The following UNC5B variants were observed in gnomAD, a reference collection of about 807,000 sequenced individuals.
UNC5B encodes unc-5 netrin receptor B.
In UNC5B, 56 loss-of-function variants were observed where a neutral mutation model predicts 103.7. That is an observed-to-expected ratio of 0.54 (90% confidence interval 0.44 to 0.67). The LOEUF (loss-of-function observed/expected upper bound fraction) is 0.67, where lower values mean the gene tolerates loss of function less well. Among genes scored for constraint, UNC5B ranks in the 30% least tolerant of loss-of-function variants. UNC5B has a pLI of 0.00. For missense variants in UNC5B, 1,194 were observed against 1,284.5 expected, an observed-to-expected ratio of 0.93 and a Z score of 1.08; for synonymous variants, 577 against 542.0, an observed-to-expected ratio of 1.06 and a Z score of -0.90.
In UNC5B at chr10:71,284,754, G is replaced by A. The variant is rs374918405; in HGVS notation, c.339G>A (p.Ser113=). The A allele has an allele frequency of 4.7e-5, 74 of 1,583,134 alleles. No homozygotes were observed. In the East Asian group the frequency reaches 1.1e-3, roughly 23 times the overall value. The change falls in exon 3 of 17, where the codon TCG becomes TCA. Residue 113 remains serine (S), a synonymous_variant. Coordinates refer to ENST00000335350, the MANE Select transcript of UNC5B (RefSeq NM_170744.5). ...TGCGCGAGGTGCAGATCGAGGTGTC[G>A]CGGCAGCAGGTGGAGGAGCTCTTTG... ...LRVREVQIEV[S]RQQVEELFGL...
intron 1 of UNC5B, among the ~76,000 whole-genome samples, chr10:71,220,583 T>C (rs1352174841): frequency 6.6e-6 from 1 of 152,222 alleles, no homozygotes; most frequent in Admixed American, 6.5e-5. Context: ...TTGGTGACGT[T>C]GGGCAGCTCA....
rs750780663 is a variant in UNC5B at position 71,290,955 on chromosome 10, C to T, written c.1140C>T (p.Leu380=). The T allele has an allele frequency of 1.3e-5, 21 of 1,613,782 alleles. No individual in the cohort carries two copies. In the African/African-American group the frequency reaches 1.6e-4, roughly 12 times the overall value. ...GGGATGCGGCGCTGTATGCGGGGCT[C>T]GTGGTGGCCATCTTCGTGGTCGTGG... ...ASGDAALYAG[L]VVAIFVVVAI... The change falls in exon 9 of 17, where the codon CTC becomes CTT. Residue 380 remains leucine (L), a synonymous_variant. Coordinates refer to ENST00000335350, the MANE Select transcript of UNC5B (RefSeq NM_170744.5).
chr10:71,268,694 A>C (rs1020272333), intron 1 of UNC5B, among the ~76,000 whole-genome samples: 1 of 151,926 alleles, frequency 6.6e-6, no homozygotes, highest in African/African-American at 2.4e-5. Context: ...GAGACGGGGG[A>C]AATTTGTGTG....
intron 1 of UNC5B, among the ~76,000 whole-genome samples, chr10:71,273,570 C>T (rs1844696571): frequency 6.6e-6 from 1 of 152,252 alleles, no homozygotes; most frequent in Admixed American, 6.5e-5. Flanking sequence ...GGCCCTCACT[C>T]CTGCTCATCC....
chr10:71,291,119 C>G lies in UNC5B; in HGVS notation c.1294+10C>G. The stretch of plus-strand genomic sequence containing the variant: ...AAGACGGCAAGGCCCAGTAAGAACC[C>G]GAGGATGTCTGGGGTGGTTGGCAGA... On this transcript the variant is annotated intron_variant, in intron 9 of 16. Coordinates refer to ENST00000335350, the MANE Select transcript of UNC5B (RefSeq NM_170744.5). 6.2e-7 allele frequency: 1 copy of G among 1,608,878 alleles called. No individual in the cohort carries two copies. The highest frequency in any genetic ancestry group is 8.5e-7 in the Non-Finnish European group (1 of 1,176,120).
rs1026987289 is a variant in UNC5B, at chr10:71,301,580, C to T, written c.*2303C>T. 1.3e-5 allele frequency: 2 copies of T among 152,224 alleles called. No individual in the cohort carries two copies. Among genetic ancestry groups the T allele is most frequent in the Admixed American group, 6.5e-5 (1 of 15,284 alleles). 9.4% of individuals were successfully genotyped at this position (152,224 alleles called of 1,614,324 possible). A position where few individuals can be genotyped will look rare whatever the true frequency, so the allele number is the denominator to read the frequency against. On this transcript the variant is annotated 3_prime_UTR_variant, in exon 17 of 17. Transcript: ENST00000335350. ...TTAGCCCATGAACACGTGTGGGCCT[C>T]GGTCACGTGGCTTTGAGGGCAGTCT...
At chr10:71,245,295 C>T (rs2132263639) in intron 1 of UNC5B, among the ~76,000 whole-genome samples, 1 of 152,360 alleles carries the variant, frequency 6.6e-6, no homozygotes, top group African/African-American at 2.4e-5. Flanking sequence ...AGCACTGTCC[C>T]AGACCACAAT....
At chr10:71,251,701 CG>C (rs1844176640) in intron 1 of UNC5B, among the ~76,000 whole-genome samples, 2 of 152,302 alleles carry the variant, frequency 1.3e-5, no homozygotes, top group African/African-American at 4.8e-5. Flanking sequence ...GGGGTCTTCT[CG>C]GTCCATATCT....
intron 1 of UNC5B, among the ~76,000 whole-genome samples, chr10:71,232,538 T>C (rs1415820763): frequency 6.6e-6 from 1 of 152,266 alleles, no homozygotes; most frequent in Admixed American, 6.5e-5. Flanking sequence ...GCTCCCACTT[T>C]GCAAGCTGAC....
At chr10:71,254,326 G>T (rs1844242558) in intron 1 of UNC5B, among the ~76,000 whole-genome samples, 2 of 152,228 alleles carry the variant, frequency 1.3e-5, no homozygotes, top group Non-Finnish European at 2.9e-5. Flanking sequence ...CAGGGCCTGG[G>T]CCCCAACCTT....
chr10:71,268,639 C>T (rs558361171), intron 1 of UNC5B, among the ~76,000 whole-genome samples: 1 of 152,202 alleles, frequency 6.6e-6, no homozygotes, highest in Admixed American at 6.5e-5. Flanking sequence ...AGTTGCCTCC[C>T]CTTTGCGAGG....
In UNC5B at chr10:71,296,810, CAGATATTCCAGCTGCACACCACGCT is replaced by C. The variant is rs1564516194; in HGVS notation, c.2490+69_2490+93del. 12 of 1,475,772 alleles carry C rather than the reference CAGATATTCCAGCTGCACACCACGCT, an allele frequency of 8.1e-6. No homozygotes were observed. The African/African-American group carries it at 1.0e-4, about 13-fold the overall frequency. The allele number at this position is 1,475,772 out of a possible 1,614,324, so 91.4% of individuals were successfully genotyped here. On this transcript the variant is annotated intron_variant, in intron 15 of 16. Transcript: ENST00000335350. Reference sequence around the variant, plus strand: ...TGGCGGAGGTGAGGGAAGGGTGGGGCAGATATTCCAGCTGCACACCACGCTGGCGGAGGTGAGGGAAGGGTGGGGC... The same window carrying C: ...TGGCGGAGGTGAGGGAAGGGTGGGGCGGCGGAGGTGAGGGAAGGGTGGGGC...
chr10:71,282,764 C>T (rs1844963389), intron 2 of UNC5B, among the ~76,000 whole-genome samples: 1 of 152,184 alleles, frequency 6.6e-6, no homozygotes, highest in South Asian at 2.1e-4. Flanking sequence ...TGCACAAGGA[C>T]CCCACCCTCC....
At chr10:71,267,337 G>A (rs2132286810) in intron 1 of UNC5B, among the ~76,000 whole-genome samples, 1 of 152,320 alleles carries the variant, frequency 6.6e-6, no homozygotes, top group South Asian at 2.1e-4. Context: ...AGAGCCTGGA[G>A]ATTGAAAAAT....
intron 1 of UNC5B, among the ~76,000 whole-genome samples, chr10:71,253,639 T>TAG (rs1844225822): frequency 6.6e-6 from 1 of 152,194 alleles, no homozygotes; most frequent in African/African-American, 2.4e-5. Flanking sequence ...GCTCCCTGGT[T>TAG]CCTGGCTGAA....
rs1554858439 is a variant in UNC5B at position 71,213,675 on chromosome 10, A to AAATTATT, written c.79+612_79+613insATTATTA. On this transcript the variant is annotated intron_variant, in intron 1 of 16. Coordinates refer to ENST00000335350, the MANE Select transcript of UNC5B (RefSeq NM_170744.5). The surrounding 1 kb of genome is among the most constrained non-coding windows in gnomAD (Gnocchi z 4.1). ...ATCGCTGGGCCCGCAGGTCTGGAAG[A>AAATTATT]ATTATTATTATTATTATTATTATTA... 7.5e-6 allele frequency among the ~76,000 whole-genome samples: 1 copy of AAATTATT among 133,258 alleles called. No individual in the cohort carries two copies. The highest frequency in any genetic ancestry group is 2.9e-5 in the African/African-American group (1 of 34,590). The allele number at this position is 133,258 out of a possible 152,430, so 87.4% of individuals were successfully genotyped here.
chr10:71,255,237 C>G (rs1844263722), intron 1 of UNC5B, among the ~76,000 whole-genome samples: 1 of 152,198 alleles, frequency 6.6e-6, no homozygotes, highest in African/African-American at 2.4e-5. Context: ...TTGAACATCT[C>G]CATGCTCACA....
At chr10:71,222,778 C>T (rs1843477378) in intron 1 of UNC5B, among the ~76,000 whole-genome samples, 2 of 152,220 alleles carry the variant, frequency 1.3e-5, no homozygotes, top group South Asian at 2.1e-4. Flanking sequence ...AGCCTGCAAC[C>T]CCCAGAGGCC....
At chr10:71,244,332 C>T (rs1033213036) in intron 1 of UNC5B, among the ~76,000 whole-genome samples, 1 of 152,248 alleles carries the variant, frequency 6.6e-6, no homozygotes, top group African/African-American at 2.4e-5. Flanking sequence ...CCCAGGGCCA[C>T]TCAGGCATTA....
Sources: allele counts gnomAD v4.1 joint callset (sites outside exome capture counted in the v4.1 genomes callset), GRCh38; gene constraint gnomAD v4.1.1; non-coding constraint Gnocchi (gnomAD v3.1); transcripts MANE v1.5; gene names NCBI Gene and HGNC (gene_info 2026-07-23, HGNC 2026-07-21).